Variants in MDGA2 observed in about 807,000 individuals in gnomAD.
MDGA2 encodes MAM domain-containing glycosylphosphatidylinositol anchor protein 2.
MDGA2 carries 40 observed loss-of-function variants against 117.8 expected under a neutral mutation model. The ratio of observed to expected loss-of-function variants is 0.34; its 90% confidence interval spans 0.26 to 0.44. The LOEUF is 0.44. MDGA2 is among the 20% of genes least tolerant of loss of function. The pLI is 1.00. For synonymous variants in MDGA2, 452 were observed against 439.0 expected (o/e 1.03, Z -0.37); for missense variants, 1,123 against 1,250.6 (o/e 0.90, Z 1.54).
At chr14:47,580,589 A>G (rs1278865112) in intron 1 of MDGA2, among the ~76,000 whole-genome samples, 1 of 152,046 alleles carries the variant, frequency 6.6e-6, no homozygotes, top group East Asian at 1.9e-4. Context: ...ACAGAAATTT[A>G]AAGGGGAAAT....
chr14:47,472,950 C>G (rs937958028), intron 1 of MDGA2, among the ~76,000 whole-genome samples: 11 of 151,976 alleles, frequency 7.2e-5, no homozygotes, highest in African/African-American at 2.4e-4. Flanking sequence ...ATTCTCCAAC[C>G]AATTAAAAAG....
chr14:47,291,631 C>T (rs1291436184), intron 2 of MDGA2, among the ~76,000 whole-genome samples: 1 of 152,196 alleles, frequency 6.6e-6, no homozygotes, highest in Non-Finnish European at 1.5e-5. Context: ...ATACACAGTA[C>T]GCTGTAGATT....
At chr14:47,477,433 A>T (rs952270206) in intron 1 of MDGA2, among the ~76,000 whole-genome samples, 4 of 152,302 alleles carry the variant, frequency 2.6e-5, no homozygotes, top group African/African-American at 9.6e-5. Flanking sequence ...CACGATATGG[A>T]AAGCAAGCTC....
chr14:47,357,461 G>A (rs1891020506), intron 1 of MDGA2, among the ~76,000 whole-genome samples: 1 of 152,202 alleles, frequency 6.6e-6, no homozygotes, highest in Admixed American at 6.5e-5. Flanking sequence ...CTATTTACTA[G>A]CAGAACAGGG....
intron 10 of MDGA2, among the ~76,000 whole-genome samples, chr14:46,902,969 C>A (rs566187191): frequency 1.1e-4 from 16 of 144,852 alleles, no homozygotes; most frequent in Admixed American, 8.8e-4. Context: ...CCCAGAGAAT[C>A]TCCCACCGGC....
chr14:47,068,963 T>A (rs902630926), intron 6 of MDGA2, among the ~76,000 whole-genome samples: 1 of 152,142 alleles, frequency 6.6e-6, no homozygotes, highest in Non-Finnish European at 1.5e-5. Flanking sequence ...TCTCACAGTA[T>A]CCTGAGGTCC....
At chr14:47,120,170 T>C (rs1370316778) in intron 5 of MDGA2, among the ~76,000 whole-genome samples, 1 of 152,150 alleles carries the variant, frequency 6.6e-6, no homozygotes, top group Non-Finnish European at 1.5e-5. Context: ...AGTAGCTTCT[T>C]AAAGTAAAAA....
intron 1 of MDGA2, among the ~76,000 whole-genome samples, chr14:47,560,641 T>A (rs1895781216): frequency 6.6e-6 from 1 of 152,190 alleles, no homozygotes; most frequent in Non-Finnish European, 1.5e-5. Flanking sequence ...TGCAAATATT[T>A]TTCTCTTATT....
chr14:46,867,096 T>C (rs1053409869), intron 14 of MDGA2, among the ~76,000 whole-genome samples: 1 of 152,194 alleles, frequency 6.6e-6, no homozygotes, highest in Non-Finnish European at 1.5e-5. Flanking sequence ...TGCACATGTA[T>C]GTTTATTGTG....
intron 8 of MDGA2, among the ~76,000 whole-genome samples, chr14:46,983,692 A>C (rs1406596655): frequency 6.6e-6 from 1 of 152,074 alleles, no homozygotes; most frequent in East Asian, 1.9e-4. Flanking sequence ...AAAGTGTCAA[A>C]ATTTAAATTT....
chr14:47,177,472 T>TA lies in MDGA2; in HGVS notation c.596-33199dup, dbSNP rs1225773744. Among the ~76,000 whole-genome samples, 4 of 152,258 alleles carry TA rather than the reference T, an allele frequency of 2.6e-5. No homozygotes were observed. The South Asian group carries it at 6.2e-4, about 24-fold the overall frequency. On this transcript the variant is annotated intron_variant, in intron 3 of 16. Transcript: ENST00000399232. ...GACACCATGGAATACTATGCAGCCA[T>TA]AAAAAATGATGAGTTCATGTCCTTT...
At chr14:47,608,441 A>C (rs1364923347) in intron 1 of MDGA2, among the ~76,000 whole-genome samples, 1 of 152,158 alleles carries the variant, frequency 6.6e-6, no homozygotes, top group African/African-American at 2.4e-5. Context: ...GAAAATTCTA[A>C]GTGAGGCTCG....
At chr14:46,964,982 G>C (rs142657238) in intron 8 of MDGA2, among the ~76,000 whole-genome samples, 1 of 131,920 alleles carries the variant, frequency 7.6e-6, no homozygotes, top group African/African-American at 3.2e-5. Context: ...GGAGTGCAGT[G>C]GCACGATCTC....
At chr14:47,050,617 T>C (rs2138721940) in intron 7 of MDGA2, among the ~76,000 whole-genome samples, 1 of 152,122 alleles carries the variant, frequency 6.6e-6, no homozygotes, top group Non-Finnish European at 1.5e-5. Context: ...ATGCTGTTAA[T>C]ATAATGCTAC....
At chr14:47,023,212 A>AG (rs1391708443) in intron 8 of MDGA2, among the ~76,000 whole-genome samples, 2 of 151,522 alleles carry the variant, frequency 1.3e-5, no homozygotes, top group Non-Finnish European at 2.9e-5. Flanking sequence ...AAAAAAAAAA[A>AG]AAAAAGAAAA....
chr14:47,202,308 T>C (rs1885536378), intron 3 of MDGA2, among the ~76,000 whole-genome samples: 1 of 152,194 alleles, frequency 6.6e-6, no homozygotes, highest in Non-Finnish European at 1.5e-5. Flanking sequence ...GCCAGGGAAA[T>C]TGTCCAAGGC....
chr14:47,455,744 C>T (rs1306590309), intron 1 of MDGA2, among the ~76,000 whole-genome samples: 1 of 141,506 alleles, frequency 7.1e-6, no homozygotes, highest in Non-Finnish European at 1.5e-5. Context: ...CGCCTGTAAT[C>T]CCAGCACTTT....
chr14:47,434,286 A>T (rs968415750), intron 1 of MDGA2, among the ~76,000 whole-genome samples: 1 of 152,122 alleles, frequency 6.6e-6, no homozygotes, highest in African/African-American at 2.4e-5. Flanking sequence ...AAGTTACTTA[A>T]AAACTATCCA....
At chr14:47,253,660 A>T (rs779292353) in intron 2 of MDGA2, among the ~76,000 whole-genome samples, 25 of 152,164 alleles carry the variant, frequency 1.6e-4, no homozygotes, top group Non-Finnish European at 3.5e-4. Context: ...TTCCAGAAGC[A>T]CGGTGCAAGC....
Sources: allele counts gnomAD v4.1 joint callset (sites outside exome capture counted in the v4.1 genomes callset), GRCh38; gene constraint gnomAD v4.1.1; transcripts MANE v1.5; gene names NCBI Gene and HGNC (gene_info 2026-07-23, HGNC 2026-07-21).